DPP10: variants seen among roughly 807,000 people sequenced by gnomAD.
DPP10 encodes the protein dipeptidyl peptidase like 10, also known as inactive dipeptidyl peptidase 10.
A neutral mutation model predicts 120.9 loss-of-function variants in DPP10; 33 were observed. That is an observed-to-expected ratio of 0.27 (90% CI 0.21 to 0.37). The LOEUF (loss-of-function observed/expected upper bound fraction) is 0.37. Among genes scored for constraint, DPP10 ranks in the 10% least tolerant of loss-of-function variants. The pLI, the probability that DPP10 is intolerant of heterozygous loss-of-function variation, is 1.00. For synonymous variants in DPP10, 337 were observed against 326.1 expected, an observed-to-expected ratio of 1.03 and a Z score of -0.36; for missense variants, 816 against 942.8, an observed-to-expected ratio of 0.87 and a Z score of 1.76.
At chr2:115,271,255 C>T (rs527904292) in intron 1 of DPP10, among the ~76,000 whole-genome samples, 1 of 152,262 alleles carries the variant, frequency 6.6e-6, no homozygotes, top group South Asian at 2.1e-4. Context: ...ATTTATGAAT[C>T]AATACTGATA....
At chr2:115,650,573 TG>T (rs2149376213) in intron 5 of DPP10, among the ~76,000 whole-genome samples, 1 of 152,212 alleles carries the variant, frequency 6.6e-6, no homozygotes, top group East Asian at 1.9e-4. Flanking sequence ...TCATATATTT[TG>T]TCATATAATC....
chr2:115,056,689 A>G (rs774522017), intron 1 of DPP10, among the ~76,000 whole-genome samples: 1 of 152,170 alleles, frequency 6.6e-6, no homozygotes, highest in Non-Finnish European at 1.5e-5. Flanking sequence ...GAGCAATGCC[A>G]ACGTAAGTCC....
intron 1 of DPP10, among the ~76,000 whole-genome samples, chr2:114,488,392 G>A (rs530815652): frequency 4.4e-4 from 67 of 152,276 alleles, no homozygotes; most frequent in African/African-American, 1.5e-3. Flanking sequence ...GATTAAGTGA[G>A]GACACATATT....
intron 1 of DPP10, among the ~76,000 whole-genome samples, chr2:114,764,169 G>A (rs966355673): frequency 6.6e-6 from 1 of 152,056 alleles, no homozygotes; most frequent in African/African-American, 2.4e-5. Context: ...CATCAAAAAT[G>A]GGAGGATAGT....
At chr2:115,178,799 A>T (rs529719217) in intron 1 of DPP10, among the ~76,000 whole-genome samples, 1 of 152,124 alleles carries the variant, frequency 6.6e-6, no homozygotes, top group African/African-American at 2.4e-5. Flanking sequence ...ATGCTTTCCA[A>T]CTTAGGATGA....
chr2:115,338,689 A>G (rs926668678), intron 2 of DPP10, among the ~76,000 whole-genome samples: 10 of 152,220 alleles, frequency 6.6e-5, no homozygotes, highest in African/African-American at 2.4e-5. Flanking sequence ...ATGCTTTTCA[A>G]AAATGAAGTT....
At position 114,647,044 on chromosome 2, in the gene DPP10, G is replaced by A. The variant is rs148390011; in HGVS notation, c.60+204206G>A. ...AGCCCAGTTCACTTTCTGCTACACT[G>A]CCTTGCTTGCCATAACATCATCTTT... On this transcript the variant is annotated intron_variant, in intron 1 of 25. Transcript: ENST00000410059. 3.7e-4 allele frequency among the ~76,000 whole-genome samples: 56 copies of A among 152,302 alleles called. 1 individual carries two copies. Among genetic ancestry groups the A allele is most frequent in the African/African-American group, 1.3e-3 (56 of 41,558 alleles).
rs771189872 is a variant in DPP10 at position 115,791,342 on chromosome 2, T to A, written c.1686T>A (p.Ala562=). ...ATTTTATGGACCGAAACCAGTATGC[T>A]CTTCTGTTAATAATGTAAGTATTTT... ...PKDFMDRNQY[A]LLLIMDEEPG... is the part of the protein sequence containing the mutation. Residue 562 remains alanine (A), a synonymous_variant, in exon 19 of 26, where the codon GCT becomes GCA. Coordinates refer to ENST00000410059, the MANE Select transcript of DPP10 (RefSeq NM_020868.6). 6.2e-7 allele frequency: 1 copy of A among 1,606,786 alleles called. No individual in the cohort carries two copies. The highest frequency in any genetic ancestry group is 8.5e-7 in the Non-Finnish European group (1 of 1,177,564).
At chr2:114,895,366 C>T (rs35585141) in intron 1 of DPP10, among the ~76,000 whole-genome samples, 3,394 of 152,324 alleles carry the variant, frequency 0.022, 46 homozygotes, top group Non-Finnish European at 0.035. Flanking sequence ...TCCTTGGGCA[C>T]ACAGTAGGAT....
At chr2:115,499,656 C>A (rs1055330679) in intron 4 of DPP10, 52 bp downstream of exon 4, 4 of 1,377,910 alleles carry the variant, frequency 2.9e-6, no homozygotes, top group African/African-American at 1.4e-5. Context: ...GTTTAGAAAG[C>A]TCTCTAGATG....
intron 1 of DPP10, among the ~76,000 whole-genome samples, chr2:114,676,612 C>G (rs903957293): frequency 3.3e-5 from 5 of 152,008 alleles, no homozygotes; most frequent in African/African-American, 1.2e-4. Context: ...CTGGGGAGAT[C>G]GCTGTATGTC....
At chr2:114,920,845 G>C (rs1300446131) in intron 1 of DPP10, among the ~76,000 whole-genome samples, 1 of 152,140 alleles carries the variant, frequency 6.6e-6, no homozygotes, top group African/African-American at 2.4e-5. Flanking sequence ...CTTAAACTGT[G>C]GTTTGGGTAC....
At chr2:115,568,642 C>G (rs1256010775) in intron 5 of DPP10, among the ~76,000 whole-genome samples, 1 of 148,768 alleles carries the variant, frequency 6.7e-6, no homozygotes, top group Non-Finnish European at 1.5e-5. Flanking sequence ...CGTACTTGGT[C>G]GTTATTCTAA....
At chr2:115,773,041 C>T (rs1288112860) in intron 13 of DPP10, among the ~76,000 whole-genome samples, 3 of 152,156 alleles carry the variant, frequency 2.0e-5, no homozygotes, top group Non-Finnish European at 4.4e-5. Context: ...TGGAAAACAG[C>T]ATGCCCCCAA....
intron 1 of DPP10, among the ~76,000 whole-genome samples, chr2:115,185,245 CTTTTTT>C (rs5833580): frequency 6.8e-6 from 1 of 146,992 alleles, no homozygotes; most frequent in Admixed American, 6.8e-5. Context: ...TTTTTTGTTT[CTTTTTT>C]TTTTTTTAAC....
intron 1 of DPP10, among the ~76,000 whole-genome samples, chr2:114,950,451 C>T (rs1053041866): frequency 4.0e-5 from 6 of 148,732 alleles, no homozygotes; most frequent in Non-Finnish European, 6.0e-5. Context: ...CCCGCCACCA[C>T]GCCCCGGTAA....
At chr2:114,987,128 C>T (rs1318596956) in intron 1 of DPP10, among the ~76,000 whole-genome samples, 1 of 152,050 alleles carries the variant, frequency 6.6e-6, no homozygotes, top group African/African-American at 2.4e-5. Context: ...GAAAAGAAAT[C>T]TATTGAAAAT....
intron 15 of DPP10, among the ~76,000 whole-genome samples, chr2:115,780,070 T>C (rs1682566761): frequency 6.6e-6 from 1 of 151,966 alleles, no homozygotes; most frequent in Admixed American, 6.6e-5. Context: ...CAAAATGAAA[T>C]TGAGACCTTT....
intron 5 of DPP10, among the ~76,000 whole-genome samples, chr2:115,617,573 A>G (rs2084619147): frequency 6.6e-6 from 1 of 151,956 alleles, no homozygotes; most frequent in African/African-American, 2.4e-5. Flanking sequence ...AGATATGTTT[A>G]GATACACAAA....
Sources: allele counts gnomAD v4.1 joint callset (sites outside exome capture counted in the v4.1 genomes callset), GRCh38; gene constraint gnomAD v4.1.1; transcripts MANE v1.5; gene names NCBI Gene and HGNC (gene_info 2026-07-23, HGNC 2026-07-21).